Variants in PREX2 observed in about 807,000 individuals in gnomAD.
PREX2 encodes phosphatidylinositol 3,4,5-trisphosphate-dependent Rac exchanger 2 protein.
A neutral mutation model predicts 203.2 loss-of-function variants in PREX2; 107 were observed. The ratio of observed to expected loss-of-function variants is 0.53; its 90% CI spans 0.45 to 0.62. The LOEUF (loss-of-function observed/expected upper bound fraction) is 0.62, where lower values mean the gene tolerates loss of function less well. Among genes scored for constraint, PREX2 ranks in the 20% least tolerant of loss-of-function variants. The probability of loss-of-function intolerance (pLI) is 0.00; values close to 1 mark genes in which losing one functional copy is unlikely to be tolerated. For missense variants in PREX2, 1,777 were observed against 1,955.9 expected (o/e 0.91, Z 1.72); for synonymous variants, 672 against 663.6 (o/e 1.01, Z -0.19).
At chr8:68,150,430 G>A (rs1314681924) in intron 34 of PREX2, among the ~76,000 whole-genome samples, 2 of 152,062 alleles carry the variant, frequency 1.3e-5, no homozygotes, top group Non-Finnish European at 2.9e-5. Flanking sequence ...GCTAAGCTGT[G>A]GCATGACCAA....
At chr8:68,062,444 G>A (rs974936626) in intron 11 of PREX2, among the ~76,000 whole-genome samples, 1 of 152,064 alleles carries the variant, frequency 6.6e-6, no homozygotes, top group South Asian at 2.1e-4. Flanking sequence ...ATGAGATAAG[G>A]CCCCTGACTT....
intron 35 of PREX2, among the ~76,000 whole-genome samples, chr8:68,170,934 A>C (rs1233117771): frequency 6.6e-6 from 1 of 152,198 alleles, no homozygotes; most frequent in African/African-American, 2.4e-5. Flanking sequence ...CTGCATTTAC[A>C]TTTACAGATA....
chr8:68,186,213 A>T (rs1812185793), intron 35 of PREX2, among the ~76,000 whole-genome samples: 1 of 152,194 alleles, frequency 6.6e-6, no homozygotes, highest in Non-Finnish European at 1.5e-5. Flanking sequence ...TAATTGAATT[A>T]AAAAATTATT....
chr8:67,999,478 C>CCAACAAAACAAAAAA (rs1806872424), intron 1 of PREX2, among the ~76,000 whole-genome samples: 1 of 92,092 alleles, frequency 1.1e-5, no homozygotes, highest in Admixed American at 1.3e-4. Flanking sequence ...GCCAACAAAC[C>CCAACAAAACAAAAAA]AAAAAAAAAA....
At chr8:68,093,535 A>G (rs1418140348) in intron 20 of PREX2, 70 bp from the exon 21 acceptor site, 4 of 641,232 alleles carry the variant, frequency 6.2e-6, no homozygotes, top group Non-Finnish European at 8.2e-6. Context: ...AATAAGGCCA[A>G]GTCTCCAAAT....
At chr8:68,073,648 A>G (rs942904658) in intron 14 of PREX2, among the ~76,000 whole-genome samples, 1 of 152,158 alleles carries the variant, frequency 6.6e-6, no homozygotes, top group African/African-American at 2.4e-5. Context: ...TAAAACATCA[A>G]TTTATATTTT....
At chr8:68,009,782 A>G (rs550985836) in intron 1 of PREX2, among the ~76,000 whole-genome samples, 4 of 152,320 alleles carry the variant, frequency 2.6e-5, no homozygotes, top group Admixed American at 2.6e-4. Flanking sequence ...AACTAGTCTT[A>G]TGAATTGTTT....
chr8:68,134,702 A>G (rs1451861219), intron 32 of PREX2, among the ~76,000 whole-genome samples: 1 of 152,210 alleles, frequency 6.6e-6, no homozygotes, highest in African/African-American at 2.4e-5. Flanking sequence ...CTCAAATACC[A>G]TACTGCCTGA....
At chr8:68,046,944 A>G (rs968093868) in intron 8 of PREX2, among the ~76,000 whole-genome samples, 1 of 152,024 alleles carries the variant, frequency 6.6e-6, no homozygotes, top group Non-Finnish European at 1.5e-5. Context: ...TTGGTGATCA[A>G]TTAATGTACC....
At chr8:68,036,805 C>T (rs941026020) in intron 6 of PREX2, among the ~76,000 whole-genome samples, 7 of 151,820 alleles carry the variant, frequency 4.6e-5, no homozygotes, top group African/African-American at 1.5e-4. Flanking sequence ...ATTAGCTGGG[C>T]GTGGTGGCAT....
chr8:67,990,200 G>A (rs1806556651), intron 1 of PREX2, among the ~76,000 whole-genome samples: 1 of 152,054 alleles, frequency 6.6e-6, no homozygotes, highest in Admixed American at 6.6e-5. Context: ...GGCCCAGGCT[G>A]GTCTTGAACT....
At chr8:68,074,298 T>G (rs537916497) in intron 14 of PREX2, among the ~76,000 whole-genome samples, 1 of 152,212 alleles carries the variant, frequency 6.6e-6, no homozygotes, top group South Asian at 2.1e-4. Flanking sequence ...TCTTCGTGGT[T>G]TATTATGACA....
chr8:68,210,348 T>C (rs1311674244), intron 37 of PREX2, among the ~76,000 whole-genome samples: 2 of 152,212 alleles, frequency 1.3e-5, no homozygotes, highest in Non-Finnish European at 2.9e-5. Flanking sequence ...TTTTCATGTG[T>C]TTTATTTAAT....
chr8:68,209,151 G>T (rs1812699930), intron 37 of PREX2, among the ~76,000 whole-genome samples: 1 of 151,760 alleles, frequency 6.6e-6, no homozygotes, highest in Non-Finnish European at 1.5e-5. Context: ...CAAATAGGAG[G>T]AGTAGCTGCT....
chr8:68,163,989 C>G (rs1288478782), intron 35 of PREX2, among the ~76,000 whole-genome samples: 1 of 152,108 alleles, frequency 6.6e-6, no homozygotes, highest in Non-Finnish European at 1.5e-5. Flanking sequence ...CCAACGAGAT[C>G]AGGTAACACA....
intron 1 of PREX2, among the ~76,000 whole-genome samples, chr8:67,998,805 C>G (rs1806846388): frequency 6.6e-6 from 1 of 152,130 alleles, no homozygotes; most frequent in South Asian, 2.1e-4. Context: ...TTTAAAATTC[C>G]CGAAAACTTT....
chr8:68,055,510 G>A (rs1808650535), intron 9 of PREX2, among the ~76,000 whole-genome samples: 1 of 152,070 alleles, frequency 6.6e-6, no homozygotes, highest in African/African-American at 2.4e-5. Context: ...CAGTTCTGCG[G>A]ATCTAACTCT....
intron 37 of PREX2, among the ~76,000 whole-genome samples, chr8:68,208,983 T>G (rs1371852733): frequency 6.9e-6 from 1 of 145,846 alleles, no homozygotes; most frequent in African/African-American, 2.6e-5. Context: ...GGCAGGAGGA[T>G]CACTTAAGCG....
Position 68,069,894 on chromosome 8 carries a change from GT to G in PREX2, c.1493+15del. On this transcript the variant is annotated intron_variant, in intron 13 of 39. Transcript: ENST00000288368. ...TTACTCCAGTGATAAGGTGAGTCTG[GT>G]TTTTAAGTTCTGGGAAACTTAAATG... 1 of 1,489,396 alleles carries G rather than the reference GT, an allele frequency of 6.7e-7. No homozygotes were observed. Among genetic ancestry groups the G allele is most frequent in the Non-Finnish European group, 9.2e-7 (1 of 1,082,626 alleles). The allele number at this position is 1,489,396 out of a possible 1,614,324, so 92.3% of individuals were successfully genotyped here.
Sources: gnomAD v4.1 joint callset for allele counts (sites outside exome capture counted in the v4.1 genomes callset) on GRCh38, gnomAD v4.1.1 for gene constraint, MANE v1.5 for transcripts, NCBI Gene and HGNC (gene_info 2026-07-23, HGNC 2026-07-21) for gene names.